The following TSPEAR variants were observed in gnomAD, a reference collection of about 807,000 sequenced individuals.
TSPEAR encodes thrombospondin-type laminin G domain and EAR repeat-containing protein.
In TSPEAR, 69 loss-of-function variants were observed where a neutral mutation model predicts 71.6. The ratio of observed to expected loss-of-function variants is 0.96; its 90% CI spans 0.79 to 1.18. TSPEAR has a LOEUF of 1.18. TSPEAR is among the 50% of genes most tolerant of loss of function. TSPEAR has a pLI of 0.00. For synonymous variants in TSPEAR, 402 were observed against 387.2 expected (o/e 1.04, Z -0.45); for missense variants, 971 against 894.9 (o/e 1.09, Z -1.09).
intron 1 of TSPEAR, among the ~76,000 whole-genome samples, chr21:44,583,758 T>C (rs1005182654): frequency 1.3e-5 from 2 of 151,648 alleles, no homozygotes; most frequent in African/African-American, 4.8e-5. Context: ...CAAATAAGAA[T>C]TATATAAATT....
rs190915453 is a variant in TSPEAR, at chr21:44,680,923, G to T, written c.82+30510C>A. Among the ~76,000 whole-genome samples the T allele has an allele frequency of 2.6e-5, 4 of 152,294 alleles. No homozygotes were observed. The East Asian group carries it at 7.7e-4, about 29-fold the overall frequency. On this transcript the variant is annotated intron_variant, in intron 1 of 11. Coordinates refer to ENST00000323084, the MANE Select transcript of TSPEAR (RefSeq NM_144991.3). Reference sequence around the variant, plus strand: ...GTACAAACATACAGTTACACAGAAAGAATAAGTTCTAATATTTGATAGCAG... The same window carrying T: ...GTACAAACATACAGTTACACAGAAATAATAAGTTCTAATATTTGATAGCAG...
At chr21:44,682,147 C>G (rs192790524) in intron 1 of TSPEAR, 12 of 1,609,338 alleles carry the variant, frequency 7.5e-6, no homozygotes, top group Non-Finnish European at 1.0e-5. Flanking sequence ...TGGATAAGGT[C>G]GAGGCAGAGG....
chr21:44,664,130 G>A (rs954174525), intron 1 of TSPEAR, among the ~76,000 whole-genome samples: 1 of 152,050 alleles, frequency 6.6e-6, no homozygotes, highest in Non-Finnish European at 1.5e-5. Context: ...ATGCAGCCTG[G>A]AAAGAAAGAA....
chr21:44,666,815 AC>A, intron 1 of TSPEAR: 1 of 1,610,872 alleles, frequency 6.2e-7, no homozygotes, highest in East Asian at 2.2e-5. Flanking sequence ...TGGGCACACA[AC>A]AGGCTGGCTG....
At chr21:44,523,085 G>T (rs2052768752) in intron 8 of TSPEAR, among the ~76,000 whole-genome samples, 1 of 143,040 alleles carries the variant, frequency 7.0e-6, no homozygotes, top group Non-Finnish European at 1.5e-5. Flanking sequence ...TAGTCAGTCA[G>T]TCAGCCAGCC....
chr21:44,575,331 C>G (rs782140275), intron 1 of TSPEAR: 4 of 371,790 alleles, frequency 1.1e-5, no homozygotes, highest in Non-Finnish European at 1.5e-5. Flanking sequence ...TGGACGCCCT[C>G]AAGCTGACCA....
chr21:44,509,019 CCAGGA>C, intron 10 of TSPEAR, 175 bp downstream of exon 10: 1 of 1,464,078 alleles, frequency 6.8e-7, no homozygotes, highest in Non-Finnish European at 9.3e-7. Context: ...CTTCCCCAGG[CCAGGA>C]AAGTCCCCAG....
chr21:44,554,899 C>T (rs587598856), intron 2 of TSPEAR, among the ~76,000 whole-genome samples: 1 of 152,204 alleles, frequency 6.6e-6, no homozygotes, highest in South Asian at 2.1e-4. Flanking sequence ...GGGGTGGAAC[C>T]GTGGGCTGAT....
intron 1 of TSPEAR, among the ~76,000 whole-genome samples, chr21:44,643,849 C>T (rs1360161074): frequency 2.0e-5 from 3 of 152,194 alleles, no homozygotes; most frequent in Non-Finnish European, 4.4e-5. Flanking sequence ...CGGCTTAGTG[C>T]GGAGTTGCGG....
chr21:44,574,946 C>A (rs782452112), intron 1 of TSPEAR: 3 of 1,605,780 alleles, frequency 1.9e-6, no homozygotes, highest in Non-Finnish European at 2.6e-6. Flanking sequence ...GCCCAGCCTC[C>A]TGCGTGTCCC....
chr21:44,599,684 T>C lies in TSPEAR; in HGVS notation c.83-31679A>G, dbSNP rs147732799. 3.9e-5 allele frequency among the ~76,000 whole-genome samples: 6 copies of C among 152,378 alleles called. No individual in the cohort carries two copies. The East Asian group carries it at 1.2e-3, about 29-fold the overall frequency. On this transcript the variant is annotated intron_variant, in intron 1 of 11. Transcript: ENST00000323084. The stretch of plus-strand genomic sequence containing the variant: ...AAAGTATCGGATACAATTGGAAACA[T>C]TTAGCAGAAACAACCAAAAAGATGT...
rs1980131493 is a variant in TSPEAR, at chr21:44,593,371, G to C, written c.83-25366C>G. Reference sequence around the variant, plus strand: ...TCCAAGCCCTGTGCCAGGCCTCTTAGTGTCACCACCTTAAAATTAAGGGAC... The same window carrying C: ...TCCAAGCCCTGTGCCAGGCCTCTTACTGTCACCACCTTAAAATTAAGGGAC... On this transcript the variant is annotated intron_variant, in intron 1 of 11. Transcript: ENST00000323084. This position sits in a 1 kb window ranked among gnomAD's most constrained non-coding sequence, Gnocchi z 5.9. 6.6e-6 allele frequency among the ~76,000 whole-genome samples: 1 copy of C among 152,158 alleles called. No homozygotes were observed. Among genetic ancestry groups the C allele is most frequent in the South Asian group, 2.1e-4 (1 of 4,816 alleles).
At chr21:44,517,631 T>TTGTC (rs1434405882) in intron 9 of TSPEAR, 2 of 392,736 alleles carry the variant, frequency 5.1e-6, no homozygotes, top group African/African-American at 2.1e-5. Flanking sequence ...TGTGTGCTCC[T>TTGTC]TGTCTGACTT....
intron 1 of TSPEAR, chr21:44,574,395 A>G (rs1555923349): frequency 5.0e-6 from 8 of 1,601,862 alleles, no homozygotes; most frequent in Non-Finnish European, 6.8e-6. Context: ...CCAGCAGTCT[A>G]GCTGCCAGCC....
Position 44,627,904 on chromosome 21 carries a change from G to A in TSPEAR, c.83-59899C>T, listed in dbSNP as rs373246520. ...CCCTGTGTGCAGGCCCGCCTGCTGC[G>A]TGCCCGTCTCCTCCTGCTGTGCCCC... On this transcript the variant is annotated intron_variant, in intron 1 of 11. Coordinates refer to ENST00000323084, the MANE Select transcript of TSPEAR (RefSeq NM_144991.3). The A allele has an allele frequency of 1.8e-4, 278 of 1,520,014 alleles. No homozygotes were observed. The highest frequency in any genetic ancestry group is 1.1e-3 in the East Asian group (44 of 41,462). 94.2% of individuals were successfully genotyped at this position (1,520,014 alleles called of 1,614,324 possible).
intron 1 of TSPEAR, among the ~76,000 whole-genome samples, chr21:44,681,216 G>A (rs547223991): frequency 3.4e-4 from 52 of 152,320 alleles, no homozygotes; most frequent in Middle Eastern, 6.8e-3. Flanking sequence ...GAGATCCTCC[G>A]CGACCCGGGA....
rs1009148110 is a variant in TSPEAR at position 44,710,543 on chromosome 21, G to T, written c.82+890C>A. Among the ~76,000 whole-genome samples, 12 of 152,188 alleles carry T rather than the reference G, an allele frequency of 7.9e-5. No individual in the cohort carries two copies. The highest frequency in any genetic ancestry group is 1.5e-4 in the Non-Finnish European group (10 of 68,022). On this transcript the variant is annotated intron_variant, in intron 1 of 11. Transcript: ENST00000323084. The surrounding 1 kb of genome is among the most constrained non-coding windows in gnomAD (Gnocchi z 4.6). ...AGAGAGCTGTGGCCCGGTGCCGGGG[G>T]TGGACTTCATCTATTCCAGGGAACC...
At chr21:44,560,361 T>C (rs1014858954) in intron 2 of TSPEAR, among the ~76,000 whole-genome samples, 1 of 152,190 alleles carries the variant, frequency 6.6e-6, no homozygotes, top group Admixed American at 6.5e-5. Flanking sequence ...ACAAAGAGAC[T>C]TAGACTCCCA....
At chr21:44,633,789 T>C (rs1983387713) in intron 1 of TSPEAR, among the ~76,000 whole-genome samples, 1 of 152,248 alleles carries the variant, frequency 6.6e-6, no homozygotes, top group Admixed American at 6.5e-5. Flanking sequence ...TCTAGTTCTA[T>C]TTAAAAATTT....
Sources: gnomAD v4.1 joint callset for allele counts (sites outside exome capture counted in the v4.1 genomes callset) on GRCh38, gnomAD v4.1.1 for gene constraint, Gnocchi (gnomAD v3.1) non-coding constraint, MANE v1.5 for transcripts, NCBI Gene and HGNC (gene_info 2026-07-23, HGNC 2026-07-21) for gene names.